Variants in ARHGEF3 observed in about 807,000 individuals in gnomAD.
The protein encoded by ARHGEF3 is Rho guanine nucleotide exchange factor 3.
ARHGEF3 carries 28 observed loss-of-function variants against 63.2 expected under a neutral mutation model. The observed-to-expected ratio is 0.44, with a 90% CI of 0.33 to 0.61. The LOEUF (loss-of-function observed/expected upper bound fraction) is 0.61, where lower values mean the gene tolerates loss of function less well. Ranked by LOEUF, ARHGEF3 falls within the 20% of genes least tolerant of loss-of-function variation. The pLI is 0.03. For missense variants in ARHGEF3, 533 were observed against 659.3 expected (o/e 0.81, Z 2.10); for synonymous variants, 266 against 254.2 (o/e 1.05, Z -0.44).
intron 3 of ARHGEF3, among the ~76,000 whole-genome samples, chr3:56,930,105 T>G (rs897379311): frequency 6.6e-6 from 1 of 152,082 alleles, no homozygotes; most frequent in Non-Finnish European, 1.5e-5. Context: ...TCAGTCACAG[T>G]TGCACCTTCC....
At chr3:56,761,541 A>G (rs1429166752) in intron 2 of ARHGEF3, among the ~76,000 whole-genome samples, 3 of 152,116 alleles carry the variant, frequency 2.0e-5, no homozygotes, top group Admixed American at 1.3e-4. Flanking sequence ...GAAGGCAGGC[A>G]TATCTACCTC....
At chr3:56,914,079 G>C (rs1161338629) in intron 3 of ARHGEF3, among the ~76,000 whole-genome samples, 1 of 152,206 alleles carries the variant, frequency 6.6e-6, no homozygotes, top group Non-Finnish European at 1.5e-5. Context: ...TAAGCTATGA[G>C]GACGCAAAGG....
At chr3:56,959,257 G>A (rs1214871280) in intron 2 of ARHGEF3, among the ~76,000 whole-genome samples, 1 of 152,216 alleles carries the variant, frequency 6.6e-6, no homozygotes, top group Non-Finnish European at 1.5e-5. Context: ...CTTCAGCTCA[G>A]CCTGGAACTC....
At chr3:56,921,174 G>A (rs1386930374) in intron 3 of ARHGEF3, among the ~76,000 whole-genome samples, 2 of 149,476 alleles carry the variant, frequency 1.3e-5, no homozygotes, top group Admixed American at 6.7e-5. Flanking sequence ...AGACCTGCCT[G>A]GACAACATGG....
At chr3:56,965,149 G>A (rs1700437248) in intron 2 of ARHGEF3, among the ~76,000 whole-genome samples, 1 of 152,158 alleles carries the variant, frequency 6.6e-6, no homozygotes, top group African/African-American at 2.4e-5. Context: ...CAGCTACTCA[G>A]CAGGCTGAGG....
chr3:57,046,911 G>A (rs999906374), intron 1 of ARHGEF3, among the ~76,000 whole-genome samples: 3 of 152,104 alleles, frequency 2.0e-5, no homozygotes, highest in South Asian at 2.1e-4. Context: ...TTCTAGTTTC[G>A]TTTACATGAA....
chr3:56,984,563 C>G (rs1701460678), intron 2 of ARHGEF3, among the ~76,000 whole-genome samples: 1 of 144,190 alleles, frequency 6.9e-6, no homozygotes, highest in African/African-American at 2.4e-5. Context: ...CATAAATAAA[C>G]TCACAGGTTT....
intron 3 of ARHGEF3, among the ~76,000 whole-genome samples, chr3:56,949,829 C>T (rs983373550): frequency 3.9e-5 from 6 of 152,006 alleles, no homozygotes; most frequent in African/African-American, 1.5e-4. Flanking sequence ...CCAAGTCAAT[C>T]CTAAGCCAAA....
At chr3:56,802,044 G>A, upstream of ARHGEF3, 2 of 1,365,352 alleles carry the variant, frequency 1.5e-6, no homozygotes, top group Non-Finnish European at 9.4e-7. Context: ...CACGCTGCCG[G>A]GAGGGCCCAC....
intron 4 of ARHGEF3, among the ~76,000 whole-genome samples, chr3:56,859,615 T>G (rs1298756083): frequency 1.4e-5 from 2 of 146,928 alleles, no homozygotes; most frequent in Admixed American, 6.7e-5. Context: ...TCCCTGCAAC[T>G]TTCACCTCCC....
intron 4 of ARHGEF3, among the ~76,000 whole-genome samples, chr3:56,852,655 A>G (rs1447025905): frequency 2.6e-5 from 4 of 152,040 alleles, no homozygotes; most frequent in African/African-American, 9.7e-5. Context: ...TCATGGGATT[A>G]AAGAAAAAAA....
At chr3:56,982,464 ACT>A (rs1218405341) in intron 2 of ARHGEF3, among the ~76,000 whole-genome samples, 1 of 151,432 alleles carries the variant, frequency 6.6e-6, no homozygotes, top group Admixed American at 6.6e-5. Context: ...TCTCAGTGGG[ACT>A]CTCTCAGACC....
chr3:56,983,862 G>C (rs1701425130), intron 2 of ARHGEF3, among the ~76,000 whole-genome samples: 1 of 151,958 alleles, frequency 6.6e-6, no homozygotes, highest in Non-Finnish European at 1.5e-5. Context: ...CTTGAACCTT[G>C]GGGGCGGAGG....
chr3:56,976,982 A>G (rs1415946108), intron 2 of ARHGEF3, among the ~76,000 whole-genome samples: 2 of 151,874 alleles, frequency 1.3e-5, no homozygotes, highest in Admixed American at 1.3e-4. Context: ...TATTAGTACT[A>G]TTTTCATACT....
At chr3:56,827,525 G>C (rs1164641432) in intron 4 of ARHGEF3, among the ~76,000 whole-genome samples, 2 of 152,054 alleles carry the variant, frequency 1.3e-5, no homozygotes, top group African/African-American at 4.8e-5. Context: ...GCTGTTGCGA[G>C]GATTAAATGC....
At chr3:56,935,191 C>G (rs1487965128) in intron 3 of ARHGEF3, among the ~76,000 whole-genome samples, 1 of 152,148 alleles carries the variant, frequency 6.6e-6, no homozygotes, top group Non-Finnish European at 1.5e-5. Context: ...ATGCACCAAT[C>G]GACACTCTGT....
chr3:56,829,374 T>G (rs933041748), intron 4 of ARHGEF3, among the ~76,000 whole-genome samples: 1 of 152,042 alleles, frequency 6.6e-6, no homozygotes, highest in Admixed American at 6.6e-5. Context: ...TGGAAGCTAG[T>G]CCCCTGGCTC....
intron 4 of ARHGEF3, among the ~76,000 whole-genome samples, chr3:56,872,608 C>A (rs11130551): frequency 1.3e-5 from 2 of 151,120 alleles, no homozygotes; most frequent in Non-Finnish European, 2.9e-5. Context: ...CTCCCTGGTT[C>A]AAGCGACTCT....
Position 57,016,762 on chromosome 3 carries a change from C to G in ARHGEF3, c.62+18326G>C, listed in dbSNP as rs142970268. ...GCACAGTGTCCTTCACTCTCTTGCTCTTGGTCCCCCCCAGGTCTATTCTTA... is the reference window on the plus strand; with the variant it reads ...GCACAGTGTCCTTCACTCTCTTGCTGTTGGTCCCCCCCAGGTCTATTCTTA... On this transcript the variant is annotated intron_variant, in intron 2 of 12. Transcript: ENST00000338458. Among the ~76,000 whole-genome samples, 55 of 152,238 alleles carry G rather than the reference C, an allele frequency of 3.6e-4. No homozygotes were observed. The East Asian group carries it at 5.8e-3, about 16-fold the overall frequency.
Sources: allele counts gnomAD v4.1 joint callset (sites outside exome capture counted in the v4.1 genomes callset), GRCh38; gene constraint gnomAD v4.1.1; transcripts MANE v1.5; gene names NCBI Gene and HGNC (gene_info 2026-07-23, HGNC 2026-07-21).